Variants in PEPD observed in about 807,000 individuals in gnomAD.
PEPD encodes the protein xaa-Pro dipeptidase.
A neutral mutation model predicts 60.7 loss-of-function variants in PEPD; 53 were observed. The ratio of observed to expected loss-of-function variants is 0.87; its 90% CI spans 0.70 to 1.10. The LOEUF is 1.10. Ranked by LOEUF, PEPD falls within the 50% of genes least tolerant of loss-of-function variation. The probability of loss-of-function intolerance (pLI) is 0.00; values close to 1 mark genes in which losing one functional copy is unlikely to be tolerated. For synonymous variants in PEPD, 267 were observed against 284.1 expected (o/e 0.94, Z 0.60); for missense variants, 711 against 711.9 (o/e 1.00, Z 0.01).
intron 5 of PEPD, among the ~76,000 whole-genome samples, chr19:33,492,438 TG>T (rs1568499788): frequency 6.6e-6 from 1 of 152,192 alleles, no homozygotes; most frequent in Non-Finnish European, 1.5e-5. Context: ...TATACATTTA[TG>T]GGGTACCTGA....
chr19:33,474,380 C>T (rs1970178633), intron 7 of PEPD, among the ~76,000 whole-genome samples: 1 of 152,238 alleles, frequency 6.6e-6, no homozygotes, highest in Non-Finnish European at 1.5e-5. Context: ...TTACCTAATA[C>T]ACCACAAATA....
chr19:33,514,082 C>T (rs909231127), intron 1 of PEPD, among the ~76,000 whole-genome samples: 5 of 152,080 alleles, frequency 3.3e-5, no homozygotes, highest in African/African-American at 4.8e-5. Context: ...AATGAAAAAA[C>T]GGATGGTGGT....
At chr19:33,507,264 C>T (rs1205470892) in intron 3 of PEPD, among the ~76,000 whole-genome samples, 1 of 152,196 alleles carries the variant, frequency 6.6e-6, no homozygotes, top group East Asian at 1.9e-4. Flanking sequence ...GCCTGGGGCG[C>T]TGACTCACAG....
intron 1 of PEPD, among the ~76,000 whole-genome samples, chr19:33,514,595 C>T (rs1970992090): frequency 6.6e-6 from 1 of 151,944 alleles, no homozygotes; most frequent in South Asian, 2.1e-4. Flanking sequence ...ACCCGACCTC[C>T]TCAGCATGCA....
intron 9 of PEPD, among the ~76,000 whole-genome samples, chr19:33,425,714 A>T (rs897398775): frequency 6.6e-6 from 1 of 152,256 alleles, no homozygotes; most frequent in African/African-American, 2.4e-5. Flanking sequence ...TTGAAAGAAA[A>T]CGATTAAGCA....
intron 9 of PEPD, among the ~76,000 whole-genome samples, chr19:33,462,177 G>C (rs575430513): frequency 6.6e-6 from 1 of 152,330 alleles, no homozygotes; most frequent in East Asian, 1.9e-4. Context: ...AGGACATCTG[G>C]GGTGGACTTG....
intron 9 of PEPD, among the ~76,000 whole-genome samples, chr19:33,462,487 G>A (rs900857417): frequency 3.3e-5 from 5 of 152,196 alleles, no homozygotes; most frequent in African/African-American, 1.2e-4. Context: ...GGCCACACCC[G>A]CCACGGCTGG....
rs1381887978 is a variant in PEPD, at chr19:33,517,631, T to TG, written c.17+4112dup. Among the ~76,000 whole-genome samples the TG allele has an allele frequency of 4.0e-5, 6 of 151,248 alleles. No homozygotes were observed. The South Asian group carries it at 1.3e-3, about 32-fold the overall frequency. On this transcript the variant is annotated intron_variant, in intron 1 of 14. Coordinates refer to ENST00000244137, the MANE Select transcript of PEPD (RefSeq NM_000285.4). ...GGTACGTAGGTTTCACTGATGCCCG[T>TG]GGGGTCTACCGCACAGACAAGGAAA...
At position 33,512,780 on chromosome 19, in the gene PEPD, C is replaced by A; in HGVS notation, c.18-4G>T. 1 of 1,613,968 alleles carries A rather than the reference C, an allele frequency of 6.2e-7. No homozygotes were observed. The highest frequency in any genetic ancestry group is 2.2e-5 in the East Asian group (1 of 44,862). On this transcript the variant is annotated splice_region_variant and splice_polypyrimidine_tract_variant and intron_variant, in intron 1 of 14. Transcript: ENST00000244137. ...ATTCCCCAGCCAAAACGAGGGTCTG[C>A]AGAGGCAAGAGCACACACCGCCACA...
At chr19:33,401,392 C>T (rs980559061) in intron 12 of PEPD, among the ~76,000 whole-genome samples, 3 of 152,234 alleles carry the variant, frequency 2.0e-5, no homozygotes, top group African/African-American at 7.2e-5. Flanking sequence ...GTTGAGCCCT[C>T]CCTGGAGTAG....
At chr19:33,471,657 T>C (rs1970122671) in intron 7 of PEPD, among the ~76,000 whole-genome samples, 1 of 152,076 alleles carries the variant, frequency 6.6e-6, no homozygotes, top group African/African-American at 2.4e-5. Flanking sequence ...AAAGGCCACC[T>C]CCTCCAGGAA....
chr19:33,517,692 T>A (rs149596205), intron 1 of PEPD, among the ~76,000 whole-genome samples: 1,908 of 151,550 alleles, frequency 0.013, 44 homozygotes, highest in African/African-American at 0.043. Flanking sequence ...ACTGGCCAGG[T>A]GCGGTGGCTC....
intron 9 of PEPD, among the ~76,000 whole-genome samples, chr19:33,459,451 T>C (rs1969886094): frequency 2.0e-5 from 3 of 152,140 alleles, no homozygotes; most frequent in Admixed American, 6.5e-5. Context: ...GCCAGCTGGC[T>C]ACAAGCTGGG....
rs1262026205 is a variant in PEPD, at chr19:33,515,183, C to CG, written c.18-2408dup. ...CAACACATATCTGCTGAATGACACA[C>CG]GGGGCCACACACACAGCTGTGGGAT... On this transcript the variant is annotated intron_variant, in intron 1 of 14. Coordinates refer to ENST00000244137, the MANE Select transcript of PEPD (RefSeq NM_000285.4). Among the ~76,000 whole-genome samples, 45 of 152,292 alleles carry CG rather than the reference C, an allele frequency of 3.0e-4. 1 individual carries two copies. The South Asian group carries it at 9.3e-3, about 32-fold the overall frequency.
chr19:33,436,715 C>T (rs973276790), intron 9 of PEPD, among the ~76,000 whole-genome samples: 3 of 152,240 alleles, frequency 2.0e-5, no homozygotes, highest in African/African-American at 7.2e-5. Context: ...ACTGAGCCAG[C>T]GCTCTGGGGT....
At chr19:33,429,089 T>A (rs1969216825) in intron 9 of PEPD, among the ~76,000 whole-genome samples, 1 of 152,204 alleles carries the variant, frequency 6.6e-6, no homozygotes, top group South Asian at 2.1e-4. Context: ...CATGTGCTGC[T>A]TCCAGGCCAT....
intron 9 of PEPD, among the ~76,000 whole-genome samples, chr19:33,460,730 G>A (rs571811154): frequency 1.3e-5 from 2 of 152,276 alleles, no homozygotes; most frequent in African/African-American, 2.4e-5. Flanking sequence ...AGGTACACAC[G>A]CTGACCCGAT....
chr19:33,397,728 C>T (rs539793493), intron 12 of PEPD, among the ~76,000 whole-genome samples: 1 of 152,304 alleles, frequency 6.6e-6, no homozygotes, highest in South Asian at 2.1e-4. Context: ...GACCTGCCTC[C>T]CATGGTCTGA....
chr19:33,458,533 T>TGGTGTGTGTGTGGTGTGG (rs1359707508), intron 9 of PEPD, among the ~76,000 whole-genome samples: 9 of 147,958 alleles, frequency 6.1e-5, no homozygotes, highest in Non-Finnish European at 1.3e-4. Context: ...TGTGTATGTG[T>TGGTGTGTGTGTGGTGTGG]GGTGTGTGTG....
Sources: allele counts gnomAD v4.1 joint callset (sites outside exome capture counted in the v4.1 genomes callset), GRCh38; gene constraint gnomAD v4.1.1; transcripts MANE v1.5; gene names NCBI Gene and HGNC (gene_info 2026-07-23, HGNC 2026-07-21).